DNAJC24: variants seen among roughly 807,000 people sequenced by gnomAD.
The protein encoded by DNAJC24 is dnaJ homolog subfamily C member 24.
In DNAJC24, 17 loss-of-function variants were observed where a neutral mutation model predicts 18.0. That is an observed-to-expected ratio of 0.94 (90% CI 0.65 to 1.42). DNAJC24 has a LOEUF of 1.42. DNAJC24 is among the 40% of genes most tolerant of loss of function. The pLI is 0.00. For missense variants in DNAJC24, 158 were observed against 175.6 expected (o/e 0.90, Z 0.57); for synonymous variants, 55 against 57.7 (o/e 0.95, Z 0.21).
At position 31,430,334 on chromosome 11, in the gene DNAJC24, C is replaced by CG. The variant is rs749009589; in HGVS notation, c.385dup (p.Glu129GlyfsTer4). The CG allele has an allele frequency of 6.2e-7, 1 of 1,611,028 alleles. No individual in the cohort carries two copies. Among genetic ancestry groups the CG allele is most frequent in the Non-Finnish European group, 8.5e-7 (1 of 1,177,878 alleles). On this transcript the variant is annotated frameshift_variant, in exon 5 of 5. Coordinates refer to ENST00000465995, the MANE Select transcript of DNAJC24 (RefSeq NM_181706.5). ...AAATACAGTGTTTCCAAGGATGAAG[C>CG]GGAAGAAGTTAGCCTGATTTCTTGT... is the stretch of plus-strand genomic sequence containing the variant.
chr11:31,391,463 C>T (rs1315194938), intron 2 of DNAJC24, among the ~76,000 whole-genome samples: 1 of 152,066 alleles, frequency 6.6e-6, no homozygotes, highest in Non-Finnish European at 1.5e-5. Flanking sequence ...GACATTTCTT[C>T]AAAGAAGATG....
intron 2 of DNAJC24, among the ~76,000 whole-genome samples, chr11:31,387,163 A>G (rs1952438120): frequency 6.6e-6 from 1 of 152,202 alleles, no homozygotes; most frequent in South Asian, 2.1e-4. Flanking sequence ...GCCCAGGGCC[A>G]GGGGGATCTT....
At chr11:31,389,047 C>G (rs1010967029) in intron 2 of DNAJC24, among the ~76,000 whole-genome samples, 1 of 151,626 alleles carries the variant, frequency 6.6e-6, no homozygotes, top group East Asian at 1.9e-4. Flanking sequence ...TTAAAACATA[C>G]CACCGGAGAA....
At chr11:31,403,990 G>A (rs1952628758) in intron 2 of DNAJC24, among the ~76,000 whole-genome samples, 1 of 152,172 alleles carries the variant, frequency 6.6e-6, no homozygotes, top group Non-Finnish European at 1.5e-5. Context: ...AACAAGGGGT[G>A]CATTATTCCT....
chr11:31,426,361 A>ATTT lies in DNAJC24; in HGVS notation c.319+14_319+16dup. The ATTT allele has an allele frequency of 7.0e-7, 1 of 1,418,536 alleles. No individual in the cohort carries two copies. Among genetic ancestry groups the ATTT allele is most frequent in the Non-Finnish European group, 9.5e-7 (1 of 1,051,130 alleles). 87.9% of individuals were successfully genotyped at this position (1,418,536 alleles called of 1,614,324 possible). ...AGAAATGTCTTGGAATGAAGGTTGG[A>ATTT]TTTTTTTTTTCTCTTGACAACATTT... On this transcript the variant is annotated splice_region_variant and intron_variant, in intron 4 of 4. Transcript: ENST00000465995.
At position 31,374,655 on chromosome 11, in the gene DNAJC24, T is replaced by G. The variant is rs1003981100; in HGVS notation, c.111+3796T>G. On this transcript the variant is annotated intron_variant, in intron 2 of 4. Transcript: ENST00000465995. The stretch of plus-strand genomic sequence containing the variant: ...CTGGCTTTATAGTGAGGAAGAGAGG[T>G]GGAGGGCTAACCATTTTTTTAGTCT... 2.2e-5 allele frequency among the ~76,000 whole-genome samples: 3 copies of G among 134,434 alleles called. 1 individual carries two copies. Among genetic ancestry groups the G allele is most frequent in the African/African-American group, 7.5e-5 (3 of 40,128 alleles). The allele number at this position is 134,434 out of a possible 152,430, so 88.2% of individuals were successfully genotyped here. A position where few individuals can be genotyped will look rare whatever the true frequency, so the allele number is the denominator to read the frequency against.
intron 2 of DNAJC24, among the ~76,000 whole-genome samples, chr11:31,394,298 C>A (rs1022188974): frequency 6.6e-6 from 1 of 152,192 alleles, no homozygotes; most frequent in Non-Finnish European, 1.5e-5. Context: ...GCATAGCATA[C>A]CTTGCTTAAT....
intron 2 of DNAJC24, among the ~76,000 whole-genome samples, chr11:31,384,289 T>C (rs1243201859): frequency 6.6e-6 from 1 of 152,218 alleles, no homozygotes; most frequent in East Asian, 1.9e-4. Context: ...GTTCCATTGA[T>C]ACATCATAAC....
chr11:31,379,629 A>T (rs989234024), intron 2 of DNAJC24, among the ~76,000 whole-genome samples: 1 of 152,212 alleles, frequency 6.6e-6, no homozygotes, highest in African/African-American at 2.4e-5. Context: ...CTCATTTGCC[A>T]TGTTTTTAAG....
chr11:31,418,403 G>A (rs916013124), intron 3 of DNAJC24, among the ~76,000 whole-genome samples: 1 of 152,036 alleles, frequency 6.6e-6, no homozygotes, highest in African/African-American at 2.4e-5. Flanking sequence ...AAACACATCA[G>A]AAGTATATCA....
At chr11:31,423,518 C>T (rs1453881487) in intron 3 of DNAJC24, among the ~76,000 whole-genome samples, 1 of 152,188 alleles carries the variant, frequency 6.6e-6, no homozygotes, top group East Asian at 1.9e-4. Context: ...GCCTCGGCCT[C>T]CCAGAGTGCT....
At chr11:31,420,099 T>G (rs1952789260) in intron 3 of DNAJC24, among the ~76,000 whole-genome samples, 1 of 152,116 alleles carries the variant, frequency 6.6e-6, no homozygotes, top group African/African-American at 2.4e-5. Context: ...TCACCTGGAA[T>G]TTAAATGGGA....
intron 3 of DNAJC24, among the ~76,000 whole-genome samples, chr11:31,422,657 T>C (rs1952818393): frequency 6.6e-6 from 1 of 152,166 alleles, no homozygotes. Flanking sequence ...TTATCTGTTT[T>C]GAAAATGCCA....
At chr11:31,383,244 T>TA (rs1952395766) in intron 2 of DNAJC24, among the ~76,000 whole-genome samples, 1 of 151,956 alleles carries the variant, frequency 6.6e-6, no homozygotes. Context: ...CTCCACTTCC[T>TA]GGAGGTTGAG....
intron 2 of DNAJC24, among the ~76,000 whole-genome samples, chr11:31,382,740 C>T (rs1034947400): frequency 6.6e-5 from 10 of 152,168 alleles, no homozygotes; most frequent in Non-Finnish European, 1.3e-4. Flanking sequence ...CCAAGCAGTT[C>T]TCCAGTGGAC....
At chr11:31,391,827 A>G (rs1952499212) in intron 2 of DNAJC24, among the ~76,000 whole-genome samples, 1 of 152,236 alleles carries the variant, frequency 6.6e-6, no homozygotes, top group African/African-American at 2.4e-5. Flanking sequence ...CACTATTCAC[A>G]ATAGCCAAGA....
intron 3 of DNAJC24, among the ~76,000 whole-genome samples, chr11:31,424,174 A>C (rs980579696): frequency 3.3e-5 from 5 of 152,196 alleles, no homozygotes; most frequent in Admixed American, 6.5e-5. Context: ...AGTATATTAC[A>C]GGTGTTCAAG....
rs763627880 is a variant in DNAJC24, at chr11:31,430,292, G to A, written c.341G>A (p.Ser114Asn). ...GCAGGTGATCACTCTTTTTATCTGA[G>A]TTGCAGATGTGGTGGAAAATACAGT... Reference protein sequence around the residue: ...WNEGDHSFYLSCRCGGKYSVS... With the variant: ...WNEGDHSFYLNCRCGGKYSVS... Residue 114 changes from serine to asparagine, a missense_variant, in exon 5 of 5, where the codon AGT becomes AAT. Coordinates refer to ENST00000465995, the MANE Select transcript of DNAJC24 (RefSeq NM_181706.5). The A allele has an allele frequency of 5.0e-6, 8 of 1,608,696 alleles. No homozygotes were observed. The Admixed American group carries it at 1.2e-4, about 24-fold the overall frequency.
At chr11:31,415,000 C>T (rs1415141237) in intron 3 of DNAJC24, 51 bp downstream of exon 3, 1 of 1,583,552 alleles carries the variant, frequency 6.3e-7, no homozygotes, top group African/African-American at 1.3e-5. Context: ...CTTAGAAGCA[C>T]ACTCTGCAGC....
Sources: allele counts gnomAD v4.1 joint callset (sites outside exome capture counted in the v4.1 genomes callset), GRCh38; gene constraint gnomAD v4.1.1; transcripts MANE v1.5; gene names NCBI Gene and HGNC (gene_info 2026-07-23, HGNC 2026-07-21).